Variants in FAM178B observed in about 807,000 individuals in gnomAD.
FAM178B encodes the protein protein FAM178B.
FAM178B carries 82 observed loss-of-function variants against 91.7 expected under a neutral mutation model. That is an observed-to-expected ratio of 0.89 (90% CI 0.75 to 1.07). The LOEUF is 1.07. Among genes scored for constraint, FAM178B ranks in the 50% least tolerant of loss-of-function variants. FAM178B has a pLI of 0.00. For missense variants in FAM178B, 769 were observed against 846.7 expected (o/e 0.91, Z 1.14); for synonymous variants, 368 against 359.4 (o/e 1.02, Z -0.27).
intron 8 of FAM178B, among the ~76,000 whole-genome samples, chr2:96,936,498 G>GT (rs772029073): frequency 0.21 from 28,064 of 135,888 alleles, 3,212 homozygotes; most frequent in African/African-American, 0.28. Flanking sequence ...CCACGCCCGG[G>GT]TTTTTTTTTT....
intron 4 of FAM178B, among the ~76,000 whole-genome samples, chr2:96,968,786 GA>G (rs1195583161): frequency 6.6e-6 from 1 of 152,140 alleles, no homozygotes; most frequent in Non-Finnish European, 1.5e-5. Context: ...TTAAACAAGA[GA>G]AAACATATCT....
At chr2:96,942,908 T>C (rs181455762) in intron 8 of FAM178B, among the ~76,000 whole-genome samples, 1 of 152,282 alleles carries the variant, frequency 6.6e-6, no homozygotes, top group Non-Finnish European at 1.5e-5. Context: ...AAGAACAGTC[T>C]TTTCAACAAA....
intron 7 of FAM178B, among the ~76,000 whole-genome samples, chr2:96,950,427 G>A (rs1574292172): frequency 1.3e-5 from 2 of 152,170 alleles, no homozygotes; most frequent in African/African-American, 2.4e-5. Context: ...AGGACCCAGA[G>A]CACGAAGGGA....
intron 12 of FAM178B, among the ~76,000 whole-genome samples, chr2:96,914,420 C>G (rs1044098118): frequency 6.6e-5 from 10 of 152,156 alleles, no homozygotes; most frequent in African/African-American, 2.4e-4. Context: ...GAGCAGAGGG[C>G]AGGGCCACAC....
intron 8 of FAM178B, 122 bp downstream of exon 8, chr2:96,947,696 A>G (rs558515896): frequency 1.1e-4 from 68 of 618,558 alleles, no homozygotes; most frequent in Non-Finnish European, 1.5e-4. Context: ...TGATGCCTCT[A>G]CACCCTGGAT....
intron 14 of FAM178B, among the ~76,000 whole-genome samples, chr2:96,888,752 T>C (rs945944809): frequency 6.6e-6 from 1 of 152,222 alleles, no homozygotes; most frequent in Non-Finnish European, 1.5e-5. Flanking sequence ...CACGCACTTA[T>C]GCACAAACAC....
At chr2:96,970,805 A>G in intron 3 of FAM178B, 28 bp from the exon 4 acceptor site, 1 of 1,497,992 alleles carries the variant, frequency 6.7e-7, no homozygotes, top group African/African-American at 1.4e-5. Context: ...GGGAATGAGG[A>G]CGACAGAGAA....
At chr2:96,885,720 G>A (rs960573231) in intron 14 of FAM178B, among the ~76,000 whole-genome samples, 6 of 152,168 alleles carry the variant, frequency 3.9e-5, no homozygotes, top group African/African-American at 1.4e-4. Flanking sequence ...GGGGGTCAGG[G>A]AGATGACAGG....
chr2:96,927,657 C>T (rs1424845958), intron 9 of FAM178B, among the ~76,000 whole-genome samples: 2 of 152,216 alleles, frequency 1.3e-5, no homozygotes, highest in East Asian at 1.9e-4. Context: ...CCCACTCTGC[C>T]TCTGGAGACA....
intron 9 of FAM178B, among the ~76,000 whole-genome samples, chr2:96,924,751 C>T (rs762181740): frequency 4.6e-5 from 7 of 152,200 alleles, no homozygotes; most frequent in Non-Finnish European, 7.3e-5. Flanking sequence ...TCTTAAGAAA[C>T]GGCTTAAGGT....
At chr2:96,878,573 C>A in intron 14 of FAM178B, 80 bp from the exon 15 acceptor site, 1 of 1,344,330 alleles carries the variant, frequency 7.4e-7, no homozygotes, top group Non-Finnish European at 1.1e-6. Flanking sequence ...GCACACTCCC[C>A]ACTCTCAGGC....
At chr2:96,931,514 A>C (rs1008870785) in intron 8 of FAM178B, among the ~76,000 whole-genome samples, 2 of 152,236 alleles carry the variant, frequency 1.3e-5, no homozygotes, top group Non-Finnish European at 2.9e-5. Context: ...CTTTTCTGAC[A>C]CAGAGACAGA....
At chr2:96,928,758 T>G (rs2081490121) in intron 9 of FAM178B, among the ~76,000 whole-genome samples, 1 of 152,142 alleles carries the variant, frequency 6.6e-6, no homozygotes. Flanking sequence ...AATTCCTTCC[T>G]GGTGTGATAC....
chr2:96,902,677 GACC>G lies in FAM178B; in HGVS notation c.1590_1592del (p.Val531del). The G allele has an allele frequency of 6.4e-7, 1 of 1,550,744 alleles. No individual in the cohort carries two copies. The highest frequency in any genetic ancestry group is 8.7e-7 in the Non-Finnish European group (1 of 1,146,572). On this transcript the variant is annotated inframe_deletion, in exon 13 of 17. Transcript: ENST00000490605. ...CCTGCTGGCCCAGCATTCGAGCAAT[GACC>G]ACAAGGCTGAGCTGGCTTCGAAGCC...
intron 1 of FAM178B, among the ~76,000 whole-genome samples, chr2:96,982,400 C>T (rs937885683): frequency 6.6e-6 from 1 of 151,968 alleles, no homozygotes; most frequent in Non-Finnish European, 1.5e-5. Flanking sequence ...GTAGCTGGGA[C>T]GACAGGCGTG....
chr2:96,933,215 C>T (rs1263306521), intron 8 of FAM178B, among the ~76,000 whole-genome samples: 2 of 152,034 alleles, frequency 1.3e-5, no homozygotes, highest in East Asian at 3.8e-4. Context: ...TGCACTCCAG[C>T]CTGGGCAACA....
intron 14 of FAM178B, among the ~76,000 whole-genome samples, chr2:96,881,860 A>G (rs2080393921): frequency 1.3e-5 from 2 of 152,066 alleles, no homozygotes; most frequent in African/African-American, 4.8e-5. Flanking sequence ...TGTTTTTCCC[A>G]AAGGGAAAAA....
intron 9 of FAM178B, among the ~76,000 whole-genome samples, chr2:96,925,719 G>A (rs539064303): frequency 2.6e-5 from 4 of 152,222 alleles, no homozygotes; most frequent in East Asian, 3.9e-4. Flanking sequence ...TTTCTGTCTC[G>A]GAGACACCGT....
At chr2:96,977,418 A>G (rs1326945275) in intron 1 of FAM178B, among the ~76,000 whole-genome samples, 7 of 150,634 alleles carry the variant, frequency 4.6e-5, no homozygotes, top group Non-Finnish European at 7.4e-5. Flanking sequence ...AACAACAACA[A>G]AAAGAAAAAC....
Sources: gnomAD v4.1 joint callset for allele counts (sites outside exome capture counted in the v4.1 genomes callset) on GRCh38, gnomAD v4.1.1 for gene constraint, MANE v1.5 for transcripts, NCBI Gene and HGNC (gene_info 2026-07-23, HGNC 2026-07-21) for gene names.